Variants in CHST3 observed in about 807,000 individuals in gnomAD.
The protein encoded by CHST3 is carbohydrate sulfotransferase 3, also known as C6ST-1.
CHST3 carries 20 observed loss-of-function variants against 35.4 expected under a neutral mutation model. That is an observed-to-expected ratio of 0.57 (90% confidence interval 0.40 to 0.82). The LOEUF (loss-of-function observed/expected upper bound fraction) is 0.82, where lower values mean the gene tolerates loss of function less well. Among genes scored for constraint, CHST3 ranks in the 40% least tolerant of loss-of-function variants. The pLI, the probability that CHST3 is intolerant of heterozygous loss-of-function variation, is 0.00. For synonymous variants in CHST3, 334 were observed against 295.9 expected (o/e 1.13, Z -1.32); for missense variants, 693 against 670.1 (o/e 1.03, Z -0.38).
intron 1 of CHST3, among the ~76,000 whole-genome samples, chr10:71,970,710 G>C (rs535859799): frequency 1.3e-4 from 20 of 152,184 alleles, no homozygotes; most frequent in Non-Finnish European, 1.9e-4. Context: ...CGTCTTGGTT[G>C]GTTGGTGAGT....
intron 1 of CHST3, among the ~76,000 whole-genome samples, chr10:71,987,210 T>C (rs1046668852): frequency 4.6e-5 from 7 of 151,728 alleles, no homozygotes; most frequent in Non-Finnish European, 8.8e-5. Context: ...CCCTAACCGC[T>C]GCTTCTCCTA....
In CHST3 at chr10:72,005,924, T is replaced by TTGGTTTTTGTGGTGA. The variant is rs755231672; in HGVS notation, c.84_98dup (p.Val32_Ile33insMetValPheValVal). On this transcript the variant is annotated inframe_insertion, in exon 2 of 3. Coordinates refer to ENST00000373115, the MANE Select transcript of CHST3 (RefSeq NM_004273.5). The stretch of plus-strand genomic sequence containing the variant: ...GATGAGAAGCAAATACGCCCTTTTC[T>TTGGTTTTTGTGGTGA]TGGTTTTTGTGGTGATAGTTTTTGT... 3.5e-5 allele frequency: 57 copies of TTGGTTTTTGTGGTGA among 1,614,092 alleles called. 1 individual carries two copies. The South Asian group carries it at 6.0e-4, about 17-fold the overall frequency.
At chr10:71,974,342 T>G (rs926600345) in intron 1 of CHST3, among the ~76,000 whole-genome samples, 4 of 152,166 alleles carry the variant, frequency 2.6e-5, no homozygotes, top group Non-Finnish European at 5.9e-5. Flanking sequence ...ATGAGGAAAC[T>G]GAGGCTCAGA....
At chr10:71,968,373 A>G (rs1839653417) in intron 1 of CHST3, among the ~76,000 whole-genome samples, 1 of 152,134 alleles carries the variant, frequency 6.6e-6, no homozygotes, top group African/African-American at 2.4e-5. Context: ...TTCCTTATAG[A>G]TTCTGGATAT....
chr10:71,973,391 T>C (rs1191149335), intron 1 of CHST3, among the ~76,000 whole-genome samples: 1 of 152,154 alleles, frequency 6.6e-6, no homozygotes, highest in East Asian at 1.9e-4. Context: ...CACCAGCAAG[T>C]GGAGAGCCAT....
rs921617286 is a variant in CHST3 at position 72,012,867 on chromosome 10, T to C, written c.*4396T>C. 3.3e-5 allele frequency: 5 copies of C among 152,242 alleles called. No homozygotes were observed. Among genetic ancestry groups the C allele is most frequent in the African/African-American group, 1.2e-4 (5 of 41,460 alleles). The allele number at this position is 152,242 out of a possible 1,614,324, so 9.4% of individuals were successfully genotyped here. A position where few individuals can be genotyped will look rare whatever the true frequency, so the allele number is the denominator to read the frequency against. ...TTCAGAGACAGTGGAAGCTGCTCTT[T>C]ACCTCAAAAGCACAAAGCAGAATTG... On this transcript the variant is annotated 3_prime_UTR_variant, in exon 3 of 3. Transcript: ENST00000373115.
chr10:71,975,142 G>T (rs1463731189), intron 1 of CHST3, among the ~76,000 whole-genome samples: 3 of 152,214 alleles, frequency 2.0e-5, no homozygotes, highest in Non-Finnish European at 4.4e-5. Flanking sequence ...GATTCAGACT[G>T]ACGGGCAGGC....
chr10:72,005,588 A>G lies in CHST3; in HGVS notation c.-107-148A>G, dbSNP rs537467333. On this transcript the variant is annotated intron_variant, in intron 1 of 2. Coordinates refer to ENST00000373115, the MANE Select transcript of CHST3 (RefSeq NM_004273.5). ...TAAATGACCTATTAAAGAGACCTTC[A>G]GTGTCTCTGGGGCACAGTCTGTCTG... is the stretch of plus-strand genomic sequence containing the variant. The G allele has an allele frequency of 1.8e-4, 101 of 567,668 alleles. No individual in the cohort carries two copies. The East Asian group carries it at 2.9e-3, about 16-fold the overall frequency. The allele number at this position is 567,668 out of a possible 1,614,324, so 35.2% of individuals were successfully genotyped here. A position where few individuals can be genotyped will look rare whatever the true frequency, so the allele number is the denominator to read the frequency against.
intron 1 of CHST3, among the ~76,000 whole-genome samples, chr10:71,980,816 G>C (rs1839794106): frequency 6.6e-6 from 1 of 152,188 alleles, no homozygotes; most frequent in Admixed American, 6.5e-5. Context: ...CCGAACGGTG[G>C]ATCTCTGAGA....
chr10:72,003,185 T>G (rs1178371388), intron 1 of CHST3, among the ~76,000 whole-genome samples: 1 of 152,186 alleles, frequency 6.6e-6, no homozygotes, highest in Non-Finnish European at 1.5e-5. Flanking sequence ...CAGAGAAATA[T>G]GCACTCAGTA....
At chr10:72,000,225 GTTCATTCATTCA>G (rs963133451) in intron 1 of CHST3, among the ~76,000 whole-genome samples, 1 of 152,060 alleles carries the variant, frequency 6.6e-6, no homozygotes, top group African/African-American at 2.4e-5. Flanking sequence ...ACATTGATTC[GTTCATTCATTCA>G]TTCATTCATT....
rs542909549 is a variant in CHST3, at chr10:71,967,482, A to G, written c.-108+2788A>G. Among the ~76,000 whole-genome samples, 5 of 152,234 alleles carry G rather than the reference A, an allele frequency of 3.3e-5. No homozygotes were observed. The South Asian group carries it at 1.0e-3, about 32-fold the overall frequency. ...AGGATAATAGCCGCTAACTCCATCC[A>G]TGTTGCTGCAAAGGACATGATCTCA... is the stretch of plus-strand genomic sequence containing the variant. On this transcript the variant is annotated intron_variant, in intron 1 of 2. Coordinates refer to ENST00000373115, the MANE Select transcript of CHST3 (RefSeq NM_004273.5).
chr10:71,984,076 G>T (rs563657469), intron 1 of CHST3, among the ~76,000 whole-genome samples: 1 of 152,328 alleles, frequency 6.6e-6, no homozygotes, highest in South Asian at 2.1e-4. Context: ...AGGCTGGAGC[G>T]CAGTGGCGCA....
chr10:72,006,083 C>T, intron 2 of CHST3, 101 bp downstream of exon 2: 1 of 1,443,996 alleles, frequency 6.9e-7, no homozygotes, highest in Non-Finnish European at 9.7e-7. Flanking sequence ...AAATGCATTC[C>T]TTCAACGAGC....
At chr10:71,989,932 C>T (rs1839882052) in intron 1 of CHST3, among the ~76,000 whole-genome samples, 2 of 152,220 alleles carry the variant, frequency 1.3e-5, no homozygotes, top group South Asian at 4.1e-4. Flanking sequence ...TTAATCATTA[C>T]AGAGTATTGC....
At chr10:71,990,703 T>C (rs2394849) in intron 1 of CHST3, among the ~76,000 whole-genome samples, 91,165 of 152,022 alleles carry the variant, frequency 0.6, 27,784 homozygotes, top group African/African-American at 0.7. Flanking sequence ...GGCTCCACAC[T>C]GGTGACCTAG....
chr10:71,973,716 C>T (rs900300265), intron 1 of CHST3, among the ~76,000 whole-genome samples: 3 of 152,220 alleles, frequency 2.0e-5, no homozygotes, highest in Admixed American at 6.5e-5. Flanking sequence ...CCAGTAACCA[C>T]CTTTGAGTCC....
chr10:72,005,256 T>A (rs1207549952), intron 1 of CHST3, among the ~76,000 whole-genome samples: 1 of 151,978 alleles, frequency 6.6e-6, no homozygotes, highest in African/African-American at 2.4e-5. Context: ...GGAAGCCCCG[T>A]CCTGCATAAG....
chr10:71,969,533 G>A (rs1839668601), intron 1 of CHST3, among the ~76,000 whole-genome samples: 1 of 152,220 alleles, frequency 6.6e-6, no homozygotes, highest in Admixed American at 6.5e-5. Context: ...CATTGGATGA[G>A]CACTGCCCAG....
Sources: allele counts gnomAD v4.1 joint callset (sites outside exome capture counted in the v4.1 genomes callset), GRCh38; gene constraint gnomAD v4.1.1; transcripts MANE v1.5; gene names NCBI Gene and HGNC (gene_info 2026-07-23, HGNC 2026-07-21).